KCNIP4: variants seen among roughly 807,000 people sequenced by gnomAD.
KCNIP4 encodes Kv channel-interacting protein 4.
KCNIP4 carries 12 observed loss-of-function variants against 34.0 expected under a neutral mutation model. The observed-to-expected ratio is 0.35, with a 90% CI of 0.23 to 0.57. KCNIP4 has a LOEUF of 0.57. Ranked by LOEUF, KCNIP4 falls within the 20% of genes least tolerant of loss-of-function variation. The pLI is 0.83. For missense variants in KCNIP4, 238 were observed against 311.7 expected, an observed-to-expected ratio of 0.76 and a Z score of 1.78; for synonymous variants, 124 against 102.2, an observed-to-expected ratio of 1.21 and a Z score of -1.29.
intron 1 of KCNIP4, among the ~76,000 whole-genome samples, chr4:20,934,663 T>C (rs1349240135): frequency 1.3e-5 from 2 of 152,184 alleles, no homozygotes; most frequent in Non-Finnish European, 2.9e-5. Context: ...ATTTCTATCA[T>C]CATGGAGCTT....
chr4:21,541,892 C>T (rs915401916), intron 1 of KCNIP4, among the ~76,000 whole-genome samples: 2 of 152,084 alleles, frequency 1.3e-5, no homozygotes, highest in African/African-American at 4.8e-5. Context: ...ATCCTCCAAC[C>T]TCAGCCTCCA....
At chr4:21,313,651 A>G (rs1713424395) in intron 1 of KCNIP4, among the ~76,000 whole-genome samples, 1 of 152,228 alleles carries the variant, frequency 6.6e-6, no homozygotes, top group South Asian at 2.1e-4. Flanking sequence ...CCTCAATGCA[A>G]TGGAAATGTA....
intron 1 of KCNIP4, among the ~76,000 whole-genome samples, chr4:21,557,594 G>C (rs1739173457): frequency 6.6e-6 from 1 of 152,102 alleles, no homozygotes; most frequent in Non-Finnish European, 1.5e-5. Flanking sequence ...TTATGGAAGA[G>C]AGAGTAGGAA....
chr4:20,923,237 C>T (rs1398288411), intron 1 of KCNIP4, among the ~76,000 whole-genome samples: 4 of 152,174 alleles, frequency 2.6e-5, no homozygotes, highest in Admixed American at 6.5e-5. Flanking sequence ...CAAGAGAAAA[C>T]ACTTTAAGTC....
chr4:21,425,230 C>T (rs1344758452), intron 1 of KCNIP4, among the ~76,000 whole-genome samples: 2 of 152,252 alleles, frequency 1.3e-5, no homozygotes, highest in African/African-American at 2.4e-5. Flanking sequence ...GCATAAAATA[C>T]TACCTAACTT....
intron 1 of KCNIP4, among the ~76,000 whole-genome samples, chr4:21,809,222 C>T (rs561932797): frequency 1.3e-5 from 2 of 152,164 alleles, no homozygotes; most frequent in African/African-American, 2.4e-5. Context: ...TCAAATAGGA[C>T]AAAAAGGTGG....
At chr4:21,050,730 A>G (rs1325474975) in intron 1 of KCNIP4, among the ~76,000 whole-genome samples, 1 of 152,190 alleles carries the variant, frequency 6.6e-6, no homozygotes, top group Non-Finnish European at 1.5e-5. Context: ...CCTCTAGTCA[A>G]TCACTCAGGT....
chr4:21,816,165 G>C (rs562250339), intron 1 of KCNIP4, among the ~76,000 whole-genome samples: 22 of 152,260 alleles, frequency 1.4e-4, no homozygotes, highest in African/African-American at 2.2e-4. Flanking sequence ...TGTAGGTTTA[G>C]AAGAAGTGAT....
chr4:21,276,526 T>G (rs1762452356), intron 1 of KCNIP4, among the ~76,000 whole-genome samples: 1 of 152,124 alleles, frequency 6.6e-6, no homozygotes, highest in Non-Finnish European at 1.5e-5. Context: ...TTAGGTCAGA[T>G]TCCTCATCAT....
At chr4:21,108,192 G>T (rs1393247499) in intron 1 of KCNIP4, among the ~76,000 whole-genome samples, 3 of 150,672 alleles carry the variant, frequency 2.0e-5, no homozygotes, top group African/African-American at 7.5e-5. Context: ...ATCCTGCAGA[G>T]TGTTTTCCAA....
At chr4:21,055,726 T>C (rs1743342133) in intron 1 of KCNIP4, among the ~76,000 whole-genome samples, 1 of 152,162 alleles carries the variant, frequency 6.6e-6, no homozygotes, top group Non-Finnish European at 1.5e-5. Flanking sequence ...CTGTAATACA[T>C]TCTAGAAGAT....
intron 1 of KCNIP4, among the ~76,000 whole-genome samples, chr4:20,927,931 C>G: frequency 6.6e-6 from 1 of 152,056 alleles, no homozygotes; most frequent in East Asian, 1.9e-4. Flanking sequence ...CTTATTGTTT[C>G]TAGGGCTTGT....
chr4:21,255,805 C>T (rs1425330), intron 1 of KCNIP4, among the ~76,000 whole-genome samples: 41,394 of 151,986 alleles, frequency 0.27, 6,022 homozygotes, highest in South Asian at 0.33. Flanking sequence ...GACGCGGTCC[C>T]CAATGTTGAA....
intron 1 of KCNIP4, among the ~76,000 whole-genome samples, chr4:21,896,486 G>C (rs936797623): frequency 1.4e-4 from 21 of 151,976 alleles, no homozygotes; most frequent in Non-Finnish European, 2.5e-4. Context: ...AGAAGACCTG[G>C]CTTGTTGGAA....
At chr4:21,844,191 C>A (rs183091972) in intron 1 of KCNIP4, 1 of 151,954 alleles carries the variant, frequency 6.6e-6, no homozygotes, top group East Asian at 1.9e-4. Flanking sequence ...TATACACAAG[C>A]AATTAGAATA....
intron 1 of KCNIP4, among the ~76,000 whole-genome samples, chr4:21,738,977 A>C (rs137872869): frequency 6.6e-6 from 1 of 152,178 alleles, no homozygotes; most frequent in African/African-American, 2.4e-5. Context: ...CATTAAAATC[A>C]TAGTGAAATC....
intron 1 of KCNIP4, among the ~76,000 whole-genome samples, chr4:21,664,247 C>A (rs1410587244): frequency 6.6e-6 from 1 of 152,178 alleles, no homozygotes; most frequent in Admixed American, 6.5e-5. Flanking sequence ...CCACACCCGA[C>A]AGGTCTTCTG....
At chr4:21,152,476 T>C (rs1752825191) in intron 1 of KCNIP4, among the ~76,000 whole-genome samples, 1 of 152,076 alleles carries the variant, frequency 6.6e-6, no homozygotes, top group Non-Finnish European at 1.5e-5. Context: ...CTTCTATCAC[T>C]GCCCCACCAA....
intron 1 of KCNIP4, among the ~76,000 whole-genome samples, chr4:21,158,212 G>A (rs1372244228): frequency 3.9e-5 from 6 of 152,000 alleles, no homozygotes; most frequent in Non-Finnish European, 8.8e-5. Flanking sequence ...TTTTGCCTTC[G>A]ATTCTACCAA....
Sources: gnomAD v4.1 joint callset for allele counts (sites outside exome capture counted in the v4.1 genomes callset) on GRCh38, gnomAD v4.1.1 for gene constraint, MANE v1.5 for transcripts, NCBI Gene and HGNC (gene_info 2026-07-23, HGNC 2026-07-21) for gene names.